THOC1: variants seen among roughly 807,000 people sequenced by gnomAD.
The protein encoded by THOC1 is THO complex 1.
THOC1 carries 29 observed loss-of-function variants against 97.3 expected under a neutral mutation model. That is an observed-to-expected ratio of 0.30 (90% CI 0.22 to 0.41). The LOEUF is 0.41. THOC1 is among the 10% of genes least tolerant of loss of function. The pLI, the probability that THOC1 is intolerant of heterozygous loss-of-function variation, is 1.00. For missense variants in THOC1, 529 were observed against 761.9 expected (o/e 0.69, Z 3.60); for synonymous variants, 255 against 257.0 (o/e 0.99, Z 0.07).
At chr18:238,850 C>G (rs974324042) in intron 11 of THOC1, among the ~76,000 whole-genome samples, 2 of 152,120 alleles carry the variant, frequency 1.3e-5, no homozygotes, top group African/African-American at 4.8e-5. Context: ...GTAAAACAAA[C>G]TCTTTAATGT....
chr18:265,403 C>T (rs1475491475), intron 2 of THOC1, 40 bp from the exon 3 acceptor site: 21 of 1,590,620 alleles, frequency 1.3e-5, no homozygotes, highest in Non-Finnish European at 1.5e-5. Context: ...TCAAACAGCT[C>T]AGGGTATGTA....
intron 9 of THOC1, 104 bp from the exon 10 acceptor site, chr18:248,061 G>T: frequency 1.4e-6 from 1 of 734,236 alleles, no homozygotes; most frequent in Non-Finnish European, 2.1e-6. Context: ...AGAAGCTAAT[G>T]AAAGTTATCA....
chr18:214,675 A>AT lies in THOC1; in HGVS notation c.1924_1925insA (p.Leu642TyrfsTer3). The AT allele has an allele frequency of 6.2e-7, 1 of 1,613,964 alleles. No individual in the cohort carries two copies. Among genetic ancestry groups the AT allele is most frequent in the Non-Finnish European group, 8.5e-7 (1 of 1,179,862 alleles). On this transcript the variant is annotated frameshift_variant, in exon 21 of 21. Transcript: ENST00000261600. LOFTEE classifies it high-confidence loss of function. ...AGTTAGACTTTCTGCAAGGTCACTTAATCCAGACTTATTCAGTGCATTAAT... is the reference window on the plus strand; with the variant it reads ...AGTTAGACTTTCTGCAAGGTCACTTATATCCAGACTTATTCAGTGCATTAAT...
intron 4 of THOC1, among the ~76,000 whole-genome samples, chr18:262,609 ACT>A (rs1912637946): frequency 6.6e-6 from 1 of 152,350 alleles, no homozygotes; most frequent in Admixed American, 6.5e-5. Context: ...CACACTGAAC[ACT>A]GTTTGACTGA....
chr18:262,663 T>C (rs1244103166), intron 4 of THOC1, among the ~76,000 whole-genome samples: 2 of 152,232 alleles, frequency 1.3e-5, no homozygotes, highest in Non-Finnish European at 2.9e-5. Flanking sequence ...CAGCTAACTA[T>C]GCCTAATGAA....
intron 4 of THOC1, 191 bp downstream of exon 4, chr18:263,835 C>T: frequency 4.2e-6 from 2 of 473,610 alleles, no homozygotes; most frequent in Non-Finnish European, 7.7e-6. Context: ...CCAAAATGTG[C>T]ACTGCATAAT....
intron 10 of THOC1, among the ~76,000 whole-genome samples, chr18:247,354 A>G (rs1912128634): frequency 6.6e-6 from 1 of 152,234 alleles, no homozygotes; most frequent in African/African-American, 2.4e-5. Context: ...GTAAAGGACC[A>G]GAGAGTAAGT....
chr18:230,434 T>G (rs1427947287), intron 11 of THOC1, among the ~76,000 whole-genome samples: 1 of 152,232 alleles, frequency 6.6e-6, no homozygotes, highest in Non-Finnish European at 1.5e-5. Flanking sequence ...TTTTTTTATG[T>G]TGAAAGATTT....
At chr18:248,814 G>A (rs772532274) in intron 9 of THOC1, among the ~76,000 whole-genome samples, 17 of 151,774 alleles carry the variant, frequency 1.1e-4, no homozygotes, top group South Asian at 2.1e-4. Context: ...GCAGTGGTGC[G>A]ATCTCAGCTC....
Position 225,647 on chromosome 18 carries a change from A to T in THOC1, c.1020-244T>A, listed in dbSNP as rs1911255490. The T allele has an allele frequency of 6.2e-6, 3 of 487,500 alleles. No homozygotes were observed. In the South Asian group the frequency reaches 8.8e-5, roughly 14 times the overall value. The allele number at this position is 487,500 out of a possible 1,614,324, so 30.2% of individuals were successfully genotyped here. A position where few individuals can be genotyped will look rare whatever the true frequency, so the allele number is the denominator to read the frequency against. On this transcript the variant is annotated intron_variant, in intron 12 of 20. Transcript: ENST00000261600. The stretch of plus-strand genomic sequence containing the variant: ...ATAAAACATTCAATTAATCAATCAG[A>T]TTCACTATGAACAGAGCAATATATG...
chr18:216,657 G>T (rs529595472), intron 18 of THOC1, 24 bp from the exon 19 acceptor site: 2 of 1,602,882 alleles, frequency 1.2e-6, no homozygotes, highest in East Asian at 4.5e-5. Flanking sequence ...TGTCAGGCTT[G>T]TAATTTATAG....
At chr18:225,430 C>T (rs1431430407) in intron 12 of THOC1, 27 bp from the exon 13 acceptor site, 1 of 1,602,348 alleles carries the variant, frequency 6.2e-7, no homozygotes, top group Non-Finnish European at 8.5e-7. Context: ...TGAAAGCATG[C>T]TTGAGTTACA....
intron 3 of THOC1, 47 bp downstream of exon 3, chr18:265,256 T>C (rs1255266208): frequency 6.9e-7 from 1 of 1,454,674 alleles, no homozygotes; most frequent in East Asian, 2.3e-5. Flanking sequence ...AATAACATGG[T>C]TTATTAATTT....
At chr18:259,760 C>T in intron 5 of THOC1, 30 bp from the exon 6 acceptor site, 2 of 1,490,724 alleles carry the variant, frequency 1.3e-6, no homozygotes, top group Non-Finnish European at 1.8e-6. Flanking sequence ...TATCACTCTT[C>T]TTCAGAACTT....
At chr18:267,732 A>AC (rs1386146436) in intron 1 of THOC1, among the ~76,000 whole-genome samples, 1 of 152,222 alleles carries the variant, frequency 6.6e-6, no homozygotes, top group African/African-American at 2.4e-5. Flanking sequence ...GGCGCCCAGC[A>AC]CGCAGTCCGG....
At chr18:265,270 A>G (rs1912726926) in intron 3 of THOC1, 33 bp downstream of exon 3, 1 of 1,519,008 alleles carries the variant, frequency 6.6e-7, no homozygotes, top group Non-Finnish European at 8.9e-7. Context: ...TTAATTTGTC[A>G]GTAAAATTTT....
At position 224,170 on chromosome 18, in the gene THOC1, A is replaced by G; in HGVS notation, c.1218T>C (p.Asp406=). ...CPSFVKERTS[D]TKPTRIIRKR... is the part of the protein sequence containing the mutation. ...TCCGAATTATTCTCGTAGGTTTGGT[A>G]TCTGATGTTCTGTCGTGAACAAAAC... Residue 406 remains aspartate (D), a synonymous_variant, in exon 16 of 21, where the codon GAT becomes GAC. Coordinates refer to ENST00000261600, the MANE Select transcript of THOC1 (RefSeq NM_005131.3). 2 of 1,608,306 alleles carry G rather than the reference A, an allele frequency of 1.2e-6. No individual in the cohort carries two copies. The highest frequency in any genetic ancestry group is 1.7e-5 in the Admixed American group (1 of 59,384).
At chr18:241,070 T>C (rs528439953) in intron 11 of THOC1, among the ~76,000 whole-genome samples, 3 of 152,174 alleles carry the variant, frequency 2.0e-5, no homozygotes, top group Admixed American at 6.5e-5. Context: ...TAAATACAGA[T>C]GAAGCTTCGC....
At chr18:229,406 G>T (rs1299315551) in intron 11 of THOC1, among the ~76,000 whole-genome samples, 1 of 152,180 alleles carries the variant, frequency 6.6e-6, no homozygotes, top group African/African-American at 2.4e-5. Flanking sequence ...TGTCGGCTGG[G>T]TGTGGTGGTT....
Sources: allele counts gnomAD v4.1 joint callset (sites outside exome capture counted in the v4.1 genomes callset), GRCh38; gene constraint gnomAD v4.1.1; transcripts MANE v1.5; gene names NCBI Gene and HGNC (gene_info 2026-07-23, HGNC 2026-07-21).